Variants in CFAP47 observed in about 807,000 individuals in gnomAD.
CFAP47 encodes the protein cilia and flagella associated protein 47, also known as cilia- and flagella-associated protein 47.
In CFAP47, 29 loss-of-function variants were observed where a neutral mutation model predicts 148.1. The observed-to-expected ratio is 0.20, with a 90% CI of 0.15 to 0.27. The LOEUF is 0.27. Ranked by LOEUF, CFAP47 falls within the 10% of genes least tolerant of loss-of-function variation. The probability of loss-of-function intolerance (pLI) is 1.00; values close to 1 mark genes in which losing one functional copy is unlikely to be tolerated. For missense variants in CFAP47, 1,872 were observed against 1,697.5 expected, an observed-to-expected ratio of 1.10 and a Z score of -1.81; for synonymous variants, 664 against 577.3, an observed-to-expected ratio of 1.15 and a Z score of -2.15.
chrX:36,344,532 G>A (rs1046437352), intron 57 of CFAP47, among the ~76,000 whole-genome samples: 38 of 111,192 alleles, frequency 3.4e-4, no homozygotes, highest in African/African-American at 1.1e-3. Context: ...CACAAATGGG[G>A]TACTAGATTT....
chrX:36,049,215 A>C (rs1436622759), intron 26 of CFAP47, among the ~76,000 whole-genome samples: 2 of 109,335 alleles, frequency 1.8e-5, no homozygotes. Context: ...TTTATAGAAG[A>C]GGAATCTAAG....
At chrX:36,314,025 A>T (rs969236209) in intron 56 of CFAP47, among the ~76,000 whole-genome samples, 2 of 111,658 alleles carry the variant, frequency 1.8e-5, no homozygotes, top group Non-Finnish European at 3.8e-5. Context: ...CAAATTTCTA[A>T]AACTTAGAGA....
intron 39 of CFAP47, among the ~76,000 whole-genome samples, chrX:36,174,984 G>A (rs867479442): frequency 5.2e-4 from 58 of 111,913 alleles, no homozygotes; most frequent in African/African-American, 1.8e-3. Flanking sequence ...ATATTTCTTG[G>A]AGGCTTTGCT....
intron 49 of CFAP47, 48 bp downstream of exon 49, chrX:36,251,492 G>C (rs1940692240): frequency 9.0e-6 from 4 of 443,598 alleles, no homozygotes; most frequent in Non-Finnish European, 1.6e-5. Flanking sequence ...ACTACGCTAA[G>C]ATGGAAATAT....
chrX:35,987,546 C>T (rs1936733428), intron 15 of CFAP47, among the ~76,000 whole-genome samples: 1 of 111,860 alleles, frequency 8.9e-6, no homozygotes, highest in African/African-American at 3.3e-5. Flanking sequence ...TTGCTGGGCT[C>T]TGTGGGGGTG....
intron 22 of CFAP47, among the ~76,000 whole-genome samples, chrX:36,023,390 G>A (rs1937181635): frequency 9.0e-6 from 1 of 111,544 alleles, no homozygotes; most frequent in Admixed American, 9.5e-5. Flanking sequence ...CCACCACTAG[G>A]ACTATGCTGT....
chrX:36,287,734 A>C (rs927162168), intron 51 of CFAP47, among the ~76,000 whole-genome samples: 21 of 111,632 alleles, frequency 1.9e-4, no homozygotes, highest in African/African-American at 6.8e-4. Flanking sequence ...GATGTTGCCA[A>C]ATTATTAAGT....
intron 56 of CFAP47, among the ~76,000 whole-genome samples, chrX:36,317,769 T>A (rs2146966573): frequency 9.0e-6 from 1 of 110,838 alleles, no homozygotes; most frequent in East Asian, 2.8e-4. Context: ...CTTAGTTTAT[T>A]TTGCTCATAT....
intron 60 of CFAP47, among the ~76,000 whole-genome samples, chrX:36,356,875 G>A (rs1941790565): frequency 8.9e-6 from 1 of 111,959 alleles, no homozygotes; most frequent in African/African-American, 3.2e-5. Context: ...AACTAACTGA[G>A]AGGCAGATAT....
At chrX:35,942,711 A>G (rs73629577) in intron 3 of CFAP47, among the ~76,000 whole-genome samples, 9,246 of 111,548 alleles carry the variant, frequency 0.083, 973 homozygotes, top group African/African-American at 0.29. Flanking sequence ...ACCAAATTTT[A>G]CAGTTTCATT....
At chrX:36,146,350 CG>C (rs67359826) in intron 36 of CFAP47, among the ~76,000 whole-genome samples, 10,936 of 110,812 alleles carry the variant, frequency 0.099, 1,059 homozygotes, top group African/African-American at 0.3. Flanking sequence ...TGCTAGCTAA[CG>C]TTTAAAAATA....
At chrX:36,215,439 T>C (rs1430806842) in intron 45 of CFAP47, among the ~76,000 whole-genome samples, 1 of 110,295 alleles carries the variant, frequency 9.1e-6, no homozygotes, top group Non-Finnish European at 1.9e-5. Context: ...GGGGCAGGTC[T>C]GCTTGGTTGT....
chrX:35,993,493 A>C (rs1203647955), intron 18 of CFAP47, among the ~76,000 whole-genome samples, 172 bp downstream of exon 18: 3 of 112,229 alleles, frequency 2.7e-5, no homozygotes, highest in Non-Finnish European at 5.6e-5. Flanking sequence ...TAAAGTTATG[A>C]CATTAAAGAG....
intron 56 of CFAP47, among the ~76,000 whole-genome samples, chrX:36,312,248 G>T (rs782748617): frequency 1.8e-5 from 2 of 110,447 alleles, no homozygotes; most frequent in South Asian, 3.9e-4. Flanking sequence ...ACAAATATGG[G>T]TGTCAATAAA....
At position 36,236,758 on chromosome X, in the gene CFAP47, C is replaced by A. The variant is rs1555994749; in HGVS notation, c.7231C>A (p.Pro2411Thr). ...IFDIKGVGKK[P>T]SALEHITVEC... ...TGACATAAAAGGGGTTGGGAAAAAA[C>A]CTTCGGCCTTGGAACACATCACTGT... is the stretch of plus-strand genomic sequence containing the variant. The change falls in exon 48 of 64, where the codon CCT (proline) becomes ACT (threonine). Residue 2411 changes from proline (P) to threonine (T), a missense_variant. Transcript: ENST00000378653. 1.9e-6 allele frequency: 1 copy of A among 524,761 alleles called. No individual in the cohort carries two copies. The highest frequency in any genetic ancestry group is 3.6e-5 in the East Asian group (1 of 27,558). The allele number at this position is 524,761 out of a possible 1,213,427, so 43.2% of individuals were successfully genotyped here. A position where few individuals can be genotyped will look rare whatever the true frequency, so the allele number is the denominator to read the frequency against.
rs143294522 is a variant in CFAP47, at chrX:36,356,334, C to G, written c.8851+2653C>G. Reference sequence around the variant, plus strand: ...ACAAGCTCATTCATATTTTGGCTAACTTGTGAATCTTTTTTGTTCTCCTGA... The same window carrying G: ...ACAAGCTCATTCATATTTTGGCTAAGTTGTGAATCTTTTTTGTTCTCCTGA... On this transcript the variant is annotated intron_variant, in intron 60 of 63. Transcript: ENST00000378653. Among the ~76,000 whole-genome samples, 371 of 111,724 alleles carry G rather than the reference C, an allele frequency of 3.3e-3. 1 individual carries two copies. Among genetic ancestry groups the G allele is most frequent in the African/African-American group, 0.011 (346 of 30,837 alleles).
chrX:36,273,342 C>G (rs185870771), intron 49 of CFAP47, among the ~76,000 whole-genome samples: 2 of 111,410 alleles, frequency 1.8e-5, no homozygotes, highest in Admixed American at 9.6e-5. Flanking sequence ...AGAAACAAGT[C>G]TGTTTTTCAA....
At chrX:36,250,385 A>G (rs782134554) in intron 48 of CFAP47, among the ~76,000 whole-genome samples, 4 of 110,638 alleles carry the variant, frequency 3.6e-5, no homozygotes, top group Non-Finnish European at 7.6e-5. Context: ...GGAGAGTAGA[A>G]TGGTGGTTAT....
Position 36,222,820 on chromosome X carries a change from A to G in CFAP47, c.6818-5808A>G, listed in dbSNP as rs192383389. On this transcript the variant is annotated intron_variant, in intron 45 of 63. Coordinates refer to ENST00000378653, the MANE Select transcript of CFAP47 (RefSeq NM_001304548.2). Reference sequence around the variant, plus strand: ...TACATGCCTACAAAAATATAATAATATAACCAAAATGGGAAAAATTTCACT... The same window carrying G: ...TACATGCCTACAAAAATATAATAATGTAACCAAAATGGGAAAAATTTCACT... Among the ~76,000 whole-genome samples, 4 of 111,574 alleles carry G rather than the reference A, an allele frequency of 3.6e-5. No homozygotes were observed. The East Asian group carries it at 1.1e-3, about 31-fold the overall frequency.
Sources: gnomAD v4.1 joint callset for allele counts (sites outside exome capture counted in the v4.1 genomes callset) on GRCh38, gnomAD v4.1.1 for gene constraint, MANE v1.5 for transcripts, NCBI Gene and HGNC (gene_info 2026-07-23, HGNC 2026-07-21) for gene names.